KCND2: variants seen among roughly 807,000 people sequenced by gnomAD.
The protein encoded by KCND2 is potassium voltage-gated channel subfamily D member 2, also known as A-type voltage-gated potassium channel KCND2.
A neutral mutation model predicts 54.4 loss-of-function variants in KCND2; 16 were observed. That is an observed-to-expected ratio of 0.29 (90% CI 0.20 to 0.45). KCND2 has a LOEUF of 0.45. KCND2 is among the 20% of genes least tolerant of loss of function. KCND2 has a pLI of 1.00. For synonymous variants in KCND2, 317 were observed against 310.7 expected (o/e 1.02, Z -0.21); for missense variants, 486 against 824.2 (o/e 0.59, Z 5.02).
intron 1 of KCND2, among the ~76,000 whole-genome samples, chr7:120,415,398 G>A (rs1432301056): frequency 3.3e-5 from 5 of 152,066 alleles, no homozygotes; most frequent in Admixed American, 6.6e-5. Flanking sequence ...TCATACCCCC[G>A]CCTGCATCTG....
intron 1 of KCND2, among the ~76,000 whole-genome samples, chr7:120,678,753 T>TATATATATATATATATATATAC (rs2116585551): frequency 1.2e-5 from 1 of 86,180 alleles, no homozygotes; most frequent in East Asian, 2.2e-4. Flanking sequence ...TATATATATA[T>TATATATATATATATATATATAC]ATATATATAT....
At chr7:120,742,105 C>T (rs1792948826) in intron 3 of KCND2, among the ~76,000 whole-genome samples, 1 of 152,028 alleles carries the variant, frequency 6.6e-6, no homozygotes, top group Admixed American at 6.6e-5. Context: ...ATTTTTACTC[C>T]AGAATTTTCC....
intron 1 of KCND2, among the ~76,000 whole-genome samples, chr7:120,284,833 C>T (rs1799316506): frequency 6.6e-6 from 1 of 152,114 alleles, no homozygotes; most frequent in South Asian, 2.1e-4. Flanking sequence ...TCTTTCTCTA[C>T]TTTATGCCTA....
At chr7:120,694,566 T>A (rs1792310603) in intron 1 of KCND2, among the ~76,000 whole-genome samples, 1 of 152,134 alleles carries the variant, frequency 6.6e-6, no homozygotes, top group Non-Finnish European at 1.5e-5. Context: ...ATAGATATTT[T>A]TTTCATAATA....
chr7:120,550,757 A>T (rs1792096200), intron 1 of KCND2, among the ~76,000 whole-genome samples: 1 of 152,158 alleles, frequency 6.6e-6, no homozygotes, highest in Non-Finnish European at 1.5e-5. Context: ...TGTGGATCCT[A>T]TCAGTTTGAG....
intron 2 of KCND2, among the ~76,000 whole-genome samples, chr7:120,736,405 C>T (rs977628936): frequency 6.6e-6 from 1 of 151,932 alleles, no homozygotes. Flanking sequence ...CTACTCCCAC[C>T]ATTGGTAATT....
rs887977804 is a variant in KCND2 at position 120,334,295 on chromosome 7, G to A, written c.1115+58548G>A. Among the ~76,000 whole-genome samples, 5 of 152,278 alleles carry A rather than the reference G, an allele frequency of 3.3e-5. No individual in the cohort carries two copies. The South Asian group carries it at 8.3e-4, about 25-fold the overall frequency. On this transcript the variant is annotated intron_variant, in intron 1 of 5. Coordinates refer to ENST00000331113, the MANE Select transcript of KCND2 (RefSeq NM_012281.3). ...TCGAAGAGTGATTTTACTTATGTACGTATTAGAAAGGCTAGAACTAACACA... is the reference window on the plus strand; with the variant it reads ...TCGAAGAGTGATTTTACTTATGTACATATTAGAAAGGCTAGAACTAACACA...
intron 1 of KCND2, among the ~76,000 whole-genome samples, chr7:120,439,185 C>T (rs1468893882): frequency 6.6e-6 from 1 of 151,794 alleles, no homozygotes; most frequent in Non-Finnish European, 1.5e-5. Context: ...TTATATGTTC[C>T]CTGTAAGAAA....
chr7:120,352,832 T>A (rs1800435623), intron 1 of KCND2, among the ~76,000 whole-genome samples: 1 of 151,970 alleles, frequency 6.6e-6, no homozygotes, highest in Non-Finnish European at 1.5e-5. Context: ...TAGAGAAAAA[T>A]TCTCATTAGT....
intron 5 of KCND2, 37 bp downstream of exon 5, chr7:120,746,064 G>C: frequency 6.2e-7 from 1 of 1,606,904 alleles, no homozygotes; most frequent in Non-Finnish European, 8.5e-7. Flanking sequence ...ACACACCTGT[G>C]CTGGTTCCCA....
intron 1 of KCND2, among the ~76,000 whole-genome samples, chr7:120,390,537 A>G (rs1191466284): frequency 6.6e-6 from 1 of 151,962 alleles, no homozygotes; most frequent in African/African-American, 2.4e-5. Context: ...AAATCACACA[A>G]TTCTTGCAAA....
At chr7:120,718,171 C>T (rs1584895027) in intron 1 of KCND2, among the ~76,000 whole-genome samples, 1 of 152,204 alleles carries the variant, frequency 6.6e-6, no homozygotes, top group East Asian at 1.9e-4. Flanking sequence ...TTACTAAAAT[C>T]GAGAAGCATG....
At chr7:120,584,193 T>G (rs1792558583) in intron 1 of KCND2, among the ~76,000 whole-genome samples, 1 of 152,242 alleles carries the variant, frequency 6.6e-6, no homozygotes, top group South Asian at 2.1e-4. Flanking sequence ...GGGCATAAGT[T>G]ACATTTTGAA....
At chr7:120,678,242 G>A (rs1379411776) in intron 1 of KCND2, among the ~76,000 whole-genome samples, 2 of 150,924 alleles carry the variant, frequency 1.3e-5, no homozygotes, top group Non-Finnish European at 3.0e-5. Context: ...AATAAGCATG[G>A]TGCATTCCCA....
intron 1 of KCND2, among the ~76,000 whole-genome samples, chr7:120,412,196 AG>A (rs995958629): frequency 1.1e-4 from 16 of 152,182 alleles, no homozygotes; most frequent in African/African-American, 3.9e-4. Flanking sequence ...GTCACTGAGA[AG>A]TTACACATTT....
At chr7:120,556,518 T>G (rs909422278) in intron 1 of KCND2, among the ~76,000 whole-genome samples, 6 of 152,202 alleles carry the variant, frequency 3.9e-5, no homozygotes, top group African/African-American at 1.4e-4. Context: ...TCTCTTTAGA[T>G]AGATAGATTA....
chr7:120,592,113 A>T (rs1792679532), intron 1 of KCND2, among the ~76,000 whole-genome samples: 1 of 152,360 alleles, frequency 6.6e-6, no homozygotes, highest in East Asian at 1.9e-4. Context: ...TTAGTGAGGC[A>T]GCCGCTAAGT....
intron 1 of KCND2, among the ~76,000 whole-genome samples, chr7:120,306,815 A>G (rs936715260): frequency 5.9e-5 from 9 of 152,066 alleles, no homozygotes; most frequent in African/African-American, 1.9e-4. Context: ...TAGTTCATAA[A>G]TGATATTCAG....
intron 1 of KCND2, among the ~76,000 whole-genome samples, chr7:120,588,663 A>G (rs998075389): frequency 1.8e-4 from 27 of 152,182 alleles, no homozygotes; most frequent in African/African-American, 6.5e-4. Context: ...AAGGGAACAC[A>G]AGCTTGTGAA....
Sources: gnomAD v4.1 joint callset for allele counts (sites outside exome capture counted in the v4.1 genomes callset) on GRCh38, gnomAD v4.1.1 for gene constraint, MANE v1.5 for transcripts, NCBI Gene and HGNC (gene_info 2026-07-23, HGNC 2026-07-21) for gene names.